PCDH9: variants seen among roughly 807,000 people sequenced by gnomAD.
PCDH9 encodes protocadherin-9.
PCDH9 carries 24 observed loss-of-function variants against 70.6 expected under a neutral mutation model. That is an observed-to-expected ratio of 0.34 (90% CI 0.25 to 0.48). PCDH9 has a LOEUF of 0.48. Ranked by LOEUF, PCDH9 falls within the 20% of genes least tolerant of loss-of-function variation. The probability of loss-of-function intolerance (pLI) is 0.99; values close to 1 mark genes in which losing one functional copy is unlikely to be tolerated. For missense variants in PCDH9, 1,281 were observed against 1,503.6 expected (o/e 0.85, Z 2.45); for synonymous variants, 562 against 558.5 (o/e 1.01, Z -0.09).
At chr13:67,004,705 T>A (rs1421722129) in intron 2 of PCDH9, among the ~76,000 whole-genome samples, 1 of 152,166 alleles carries the variant, frequency 6.6e-6, no homozygotes, top group Non-Finnish European at 1.5e-5. Flanking sequence ...TCCAGCTTTT[T>A]TCACTTGGGA....
intron 3 of PCDH9, among the ~76,000 whole-genome samples, chr13:66,885,166 C>G (rs1670137222): frequency 6.6e-6 from 1 of 152,136 alleles, no homozygotes; most frequent in African/African-American, 2.4e-5. Context: ...CTCTGATGTT[C>G]TGCTCAAATT....
chr13:66,814,700 T>C (rs2080569887), intron 3 of PCDH9, among the ~76,000 whole-genome samples: 1 of 152,146 alleles, frequency 6.6e-6, no homozygotes, highest in East Asian at 1.9e-4. Context: ...GATAACTAGC[T>C]AGCCATATGC....
At chr13:66,330,248 T>A (rs1242922392) in intron 4 of PCDH9, among the ~76,000 whole-genome samples, 1 of 152,220 alleles carries the variant, frequency 6.6e-6, no homozygotes, top group Non-Finnish European at 1.5e-5. Flanking sequence ...TGGCTGCTTA[T>A]TCAGGATGCT....
chr13:66,952,770 C>G (rs921222827), intron 2 of PCDH9, among the ~76,000 whole-genome samples: 5 of 152,050 alleles, frequency 3.3e-5, no homozygotes, highest in Non-Finnish European at 7.4e-5. Flanking sequence ...TATTGACCAG[C>G]CTAAACTCTC....
chr13:67,183,814 A>C (rs2088678944), intron 2 of PCDH9, among the ~76,000 whole-genome samples: 1 of 152,202 alleles, frequency 6.6e-6, no homozygotes, highest in Non-Finnish European at 1.5e-5. Flanking sequence ...GAATTTTTGC[A>C]TGAAATTTAC....
chr13:66,933,638 T>A (rs1308576465), intron 2 of PCDH9, among the ~76,000 whole-genome samples: 1 of 152,178 alleles, frequency 6.6e-6, no homozygotes, highest in Non-Finnish European at 1.5e-5. Flanking sequence ...TTTTTAGTTG[T>A]TCCTTTTTCT....
rs11619099 is a variant in PCDH9 at position 66,922,591 on chromosome 13, C to T, written c.3037-18986G>A. On this transcript the variant is annotated intron_variant, in intron 2 of 4. Transcript: ENST00000377865. ...GTTCATAGCCTCCCTGGGCTTTTGG[C>T]TTGAATAACTTTGTTGGTGAATAAA... 7.0e-3 allele frequency among the ~76,000 whole-genome samples: 1,054 copies of T among 151,524 alleles called. 4 individuals carry two copies. Among genetic ancestry groups the T allele is most frequent in the Middle Eastern group, 0.044 (13 of 294 alleles).
intron 1 of PCDH9, among the ~76,000 whole-genome samples, chr13:67,229,536 C>A (rs956669988): frequency 6.6e-6 from 1 of 152,194 alleles, no homozygotes; most frequent in Non-Finnish European, 1.5e-5. Context: ...GTGCAAGGCT[C>A]CAGGCAGCTA....
chr13:66,605,802 T>C (rs1022578807), intron 4 of PCDH9, among the ~76,000 whole-genome samples: 2 of 152,154 alleles, frequency 1.3e-5, no homozygotes, highest in Non-Finnish European at 2.9e-5. Context: ...ACTTTTTTTT[T>C]CTATAATTTC....
rs115835300 is a variant in PCDH9, at chr13:67,127,338, C to T, written c.3036+98067G>A. On this transcript the variant is annotated intron_variant, in intron 2 of 4. Coordinates refer to ENST00000377865, the MANE Select transcript of PCDH9 (RefSeq NM_203487.3). ...TTTTGTCTGTACATAGCGGTCCAGA[C>T]GCCTATGTCCTTTAATCTCTAATTA... Among the ~76,000 whole-genome samples the T allele has an allele frequency of 1.4e-3, 210 of 152,228 alleles. 2 individuals are homozygous for T. Among genetic ancestry groups the T allele is most frequent in the African/African-American group, 4.7e-3 (196 of 41,538 alleles).
intron 3 of PCDH9, among the ~76,000 whole-genome samples, chr13:66,730,858 GTTT>G (rs71106995): frequency 2.1e-5 from 1 of 46,662 alleles, no homozygotes; most frequent in Non-Finnish European, 4.6e-5. Context: ...TTTTGTTTTT[GTTT>G]TTTTGTGTGT....
chr13:66,780,737 A>G (rs1202169957), intron 3 of PCDH9, among the ~76,000 whole-genome samples: 1 of 151,970 alleles, frequency 6.6e-6, no homozygotes, highest in Non-Finnish European at 1.5e-5. Context: ...TTTATTTCTT[A>G]GGTCTCCTCC....
At chr13:66,488,399 G>C (rs557872716) in intron 4 of PCDH9, among the ~76,000 whole-genome samples, 5 of 152,286 alleles carry the variant, frequency 3.3e-5, no homozygotes, top group African/African-American at 1.2e-4. Context: ...AGGGCCAAAT[G>C]AGTGCCCTAG....
chr13:66,898,233 G>C (rs968586124), intron 3 of PCDH9, among the ~76,000 whole-genome samples: 1 of 151,882 alleles, frequency 6.6e-6, no homozygotes, highest in Admixed American at 6.6e-5. Context: ...TAATATGTTA[G>C]GAGTTATTCC....
intron 4 of PCDH9, among the ~76,000 whole-genome samples, chr13:66,554,435 T>C (rs1238848770): frequency 3.3e-5 from 5 of 152,196 alleles, no homozygotes; most frequent in African/African-American, 1.2e-4. Context: ...ATATTTCTAA[T>C]CTGCCTTAAC....
intron 2 of PCDH9, among the ~76,000 whole-genome samples, chr13:66,908,944 T>C (rs2139612981): frequency 6.6e-6 from 1 of 152,276 alleles, no homozygotes; most frequent in South Asian, 2.1e-4. Context: ...TGTAGATGGC[T>C]ATAATACACA....
At chr13:66,696,040 T>C (rs1437805337) in intron 3 of PCDH9, among the ~76,000 whole-genome samples, 1 of 152,160 alleles carries the variant, frequency 6.6e-6, no homozygotes, top group African/African-American at 2.4e-5. Flanking sequence ...AGTTATGTAT[T>C]TTGGATTTTA....
intron 4 of PCDH9, among the ~76,000 whole-genome samples, chr13:66,413,395 C>A (rs999681047): frequency 6.6e-6 from 1 of 152,096 alleles, no homozygotes; most frequent in Admixed American, 6.6e-5. Flanking sequence ...GTCTAAGAAT[C>A]CTCAAACTTG....
At chr13:67,047,194 T>A (rs1360322047) in intron 2 of PCDH9, among the ~76,000 whole-genome samples, 1 of 152,116 alleles carries the variant, frequency 6.6e-6, no homozygotes, top group Non-Finnish European at 1.5e-5. Flanking sequence ...CTCTAATGCC[T>A]TTTTCCAAAA....
Sources: gnomAD v4.1 joint callset for allele counts (sites outside exome capture counted in the v4.1 genomes callset) on GRCh38, gnomAD v4.1.1 for gene constraint, MANE v1.5 for transcripts, NCBI Gene and HGNC (gene_info 2026-07-23, HGNC 2026-07-21) for gene names.